METTL15: variants seen among roughly 807,000 people sequenced by gnomAD.
METTL15 encodes 12S rRNA N(4)-cytidine methyltransferase METTL15.
METTL15 carries 34 observed loss-of-function variants against 38.3 expected under a neutral mutation model. The observed-to-expected ratio is 0.89, with a 90% CI of 0.68 to 1.18. METTL15 has a LOEUF of 1.18. Ranked by LOEUF, METTL15 falls within the 50% of genes most tolerant of loss-of-function variation. The pLI is 0.00. For synonymous variants in METTL15, 162 were observed against 170.9 expected, an observed-to-expected ratio of 0.95 and a Z score of 0.41; for missense variants, 438 against 498.4, an observed-to-expected ratio of 0.88 and a Z score of 1.15.
At chr11:28,187,532 T>A (rs1590127766) in intron 3 of METTL15, among the ~76,000 whole-genome samples, 1 of 150,492 alleles carries the variant, frequency 6.6e-6, no homozygotes, top group South Asian at 2.1e-4. Flanking sequence ...TGCTTTTTTT[T>A]TTTTTTTTAA....
chr11:28,470,957 G>A (rs567911557), intron 6 of METTL15, among the ~76,000 whole-genome samples: 5 of 151,976 alleles, frequency 3.3e-5, no homozygotes, highest in South Asian at 2.1e-4. Flanking sequence ...CATTTTCCCC[G>A]TGCTGATTTT....
At chr11:28,450,511 A>G (rs778396290) in intron 6 of METTL15, among the ~76,000 whole-genome samples, 1 of 152,226 alleles carries the variant, frequency 6.6e-6, no homozygotes, top group Non-Finnish European at 1.5e-5. Context: ...TATCCTTTAT[A>G]AAGGTAAAAG....
chr11:28,293,996 C>G (rs1379133947), intron 5 of METTL15, among the ~76,000 whole-genome samples: 2 of 152,154 alleles, frequency 1.3e-5, no homozygotes, highest in Admixed American at 1.3e-4. Flanking sequence ...ATCATGTCAT[C>G]TGCAAACAGG....
At chr11:28,509,514 T>C (rs1229293746) in intron 6 of METTL15, among the ~76,000 whole-genome samples, 1 of 152,124 alleles carries the variant, frequency 6.6e-6, no homozygotes, top group African/African-American at 2.4e-5. Context: ...AAGACTTATC[T>C]TTTGGATGCA....
chr11:28,419,094 A>G (rs909693503), intron 5 of METTL15, among the ~76,000 whole-genome samples: 13 of 152,190 alleles, frequency 8.5e-5, no homozygotes, highest in African/African-American at 2.7e-4. Flanking sequence ...TAGCTAAAGA[A>G]CTGCTTGTAT....
intron 6 of METTL15, among the ~76,000 whole-genome samples, chr11:28,523,632 A>G (rs1037307275): frequency 6.6e-6 from 1 of 152,246 alleles, no homozygotes; most frequent in Non-Finnish European, 1.5e-5. Context: ...ATGATTCAAC[A>G]TAAACTTGAA....
At chr11:28,298,312 C>T (rs1409429018) in intron 6 of METTL15, among the ~76,000 whole-genome samples, 1 of 151,988 alleles carries the variant, frequency 6.6e-6, no homozygotes, top group Non-Finnish European at 1.5e-5. Flanking sequence ...GAAAGAAAAG[C>T]AGTGAGAAGT....
chr11:28,461,666 C>A (rs1480640689), intron 6 of METTL15, among the ~76,000 whole-genome samples: 1 of 152,006 alleles, frequency 6.6e-6, no homozygotes, highest in African/African-American at 2.4e-5. Context: ...TGTGGGGCAA[C>A]TATTTTTGCT....
intron 4 of METTL15, among the ~76,000 whole-genome samples, chr11:28,233,528 T>G (rs956559102): frequency 6.6e-6 from 1 of 152,086 alleles, no homozygotes; most frequent in African/African-American, 2.4e-5. Flanking sequence ...GTTTTCCCTC[T>G]TAACTCTCTA....
rs752368007 is a variant in METTL15 at position 28,316,971 on chromosome 11, G to A, written c.779-13425G>A. Among the ~76,000 whole-genome samples, 9 of 152,196 alleles carry A rather than the reference G, an allele frequency of 5.9e-5. No individual in the cohort carries two copies. In the South Asian group the frequency reaches 8.3e-4, roughly 14 times the overall value. ...ACTCGGGTACGTCTTTATCAGCAGC[G>A]TGAAAATGGACTAATACAGTAGTAT... On this transcript the variant is annotated intron_variant, in intron 6 of 6. Transcript: ENST00000407364.
chr11:28,393,317 T>C, intron 5 of METTL15, among the ~76,000 whole-genome samples: 1 of 152,270 alleles, frequency 6.6e-6, no homozygotes, highest in East Asian at 1.9e-4. Flanking sequence ...AAATGTGGTA[T>C]ATACATACAA....
At chr11:28,487,592 T>A (rs1158706947) in intron 6 of METTL15, among the ~76,000 whole-genome samples, 1 of 152,176 alleles carries the variant, frequency 6.6e-6, no homozygotes, top group African/African-American at 2.4e-5. Flanking sequence ...TCTCCTATAA[T>A]AAAGTCTCAT....
chr11:28,303,707 T>C (rs374718135), intron 6 of METTL15, among the ~76,000 whole-genome samples: 1 of 152,246 alleles, frequency 6.6e-6, no homozygotes, highest in East Asian at 1.9e-4. Context: ...AAAGGATACG[T>C]ACATTCCCAG....
At chr11:28,282,310 A>G (rs1856086124) in intron 4 of METTL15, among the ~76,000 whole-genome samples, 1 of 152,088 alleles carries the variant, frequency 6.6e-6, no homozygotes, top group Non-Finnish European at 1.5e-5. Context: ...ACCAACCGAC[A>G]CTGCATGTTT....
intron 6 of METTL15, among the ~76,000 whole-genome samples, chr11:28,317,124 A>T (rs1565249815): frequency 6.6e-6 from 1 of 151,610 alleles, no homozygotes. Context: ...TTATAACTTT[A>T]TTTTTTTTCC....
At chr11:28,326,282 TGTTA>T (rs1407715386) in intron 6 of METTL15, among the ~76,000 whole-genome samples, 1 of 151,778 alleles carries the variant, frequency 6.6e-6, no homozygotes, top group Non-Finnish European at 1.5e-5. Context: ...GCATTGAATC[TGTTA>T]GTTTTTTTTT....
At chr11:28,195,124 C>G (rs1020698705) in intron 3 of METTL15, among the ~76,000 whole-genome samples, 3 of 151,934 alleles carry the variant, frequency 2.0e-5, no homozygotes, top group Non-Finnish European at 4.4e-5. Context: ...GGTTGATTCC[C>G]TATCTTTGCA....
chr11:28,179,137 C>T (rs560503822), intron 3 of METTL15, among the ~76,000 whole-genome samples: 2 of 151,880 alleles, frequency 1.3e-5, no homozygotes, highest in East Asian at 1.9e-4. Context: ...TATTTTGAAT[C>T]TAATCTGGAA....
chr11:28,161,126 T>C (rs1234813694), intron 3 of METTL15, among the ~76,000 whole-genome samples: 3 of 137,200 alleles, frequency 2.2e-5, no homozygotes, highest in African/African-American at 7.8e-5. Flanking sequence ...TTTTTTTTTT[T>C]GTTTTTTGTT....
Sources: gnomAD v4.1 joint callset for allele counts (sites outside exome capture counted in the v4.1 genomes callset) on GRCh38, gnomAD v4.1.1 for gene constraint, MANE v1.5 for transcripts, NCBI Gene and HGNC (gene_info 2026-07-23, HGNC 2026-07-21) for gene names.